ARFGAP3: variants seen among roughly 807,000 people sequenced by gnomAD.
ARFGAP3 encodes the protein ADP-ribosylation factor GTPase-activating protein 3.
In ARFGAP3, 72 loss-of-function variants were observed where a neutral mutation model predicts 75.0. That is an observed-to-expected ratio of 0.96 (90% confidence interval 0.79 to 1.17). The LOEUF is 1.17. Among genes scored for constraint, ARFGAP3 ranks in the 50% most tolerant of loss-of-function variants. ARFGAP3 has a pLI of 0.00. For missense variants in ARFGAP3, 620 were observed against 626.6 expected, an observed-to-expected ratio of 0.99 and a Z score of 0.11; for synonymous variants, 221 against 217.9, an observed-to-expected ratio of 1.01 and a Z score of -0.13.
At chr22:42,797,994 G>C (rs1924680454) in intron 15 of ARFGAP3, among the ~76,000 whole-genome samples, 1 of 152,238 alleles carries the variant, frequency 6.6e-6, no homozygotes, top group African/African-American at 2.4e-5. Context: ...TTTTGGTTCA[G>C]CTGGTCATCT....
chr22:42,821,680 A>C (rs770937107), intron 9 of ARFGAP3, among the ~76,000 whole-genome samples: 14 of 152,264 alleles, frequency 9.2e-5, no homozygotes, highest in Non-Finnish European at 1.5e-4. Context: ...TAACGCCACT[A>C]TGAACATTCA....
At chr22:42,835,267 T>C in intron 4 of ARFGAP3, 95 bp downstream of exon 4, 1 of 1,423,310 alleles carries the variant, frequency 7.0e-7, no homozygotes, top group Non-Finnish European at 9.5e-7. Flanking sequence ...GTAAGACAAC[T>C]CAGGTAGAAA....
chr22:42,808,488 T>C (rs1406437758), intron 13 of ARFGAP3, among the ~76,000 whole-genome samples: 1 of 152,070 alleles, frequency 6.6e-6, no homozygotes, highest in African/African-American at 2.4e-5. Flanking sequence ...AATTGAAATA[T>C]ATTCAAAAGA....
chr22:42,843,181 C>T (rs1926862988), intron 2 of ARFGAP3, among the ~76,000 whole-genome samples: 1 of 152,118 alleles, frequency 6.6e-6, no homozygotes, highest in Admixed American at 6.6e-5. Flanking sequence ...GTCAGCCTCC[C>T]CACATGCCTC....
In ARFGAP3 at chr22:42,799,254, G is replaced by A. The variant is rs765033038; in HGVS notation, c.1412-94C>T. Reference sequence around the variant, plus strand: ...AGTGCTCAACGGCTCCAGAGAACCCGGATCTCTCCCCTCCTGCTGCCTCAC... The same window carrying A: ...AGTGCTCAACGGCTCCAGAGAACCCAGATCTCTCCCCTCCTGCTGCCTCAC... On this transcript the variant is annotated intron_variant, in intron 14 of 15. Transcript: ENST00000263245. 7.0e-5 allele frequency: 109 copies of A among 1,556,038 alleles called. No individual in the cohort carries two copies. In the Middle Eastern group the frequency reaches 1.0e-3, roughly 15 times the overall value.
intron 3 of ARFGAP3, among the ~76,000 whole-genome samples, chr22:42,839,944 C>CT (rs1458600339): frequency 6.6e-6 from 1 of 152,076 alleles, no homozygotes. Flanking sequence ...TCAACTCACT[C>CT]TATCTATCAC....
At chr22:42,797,892 C>G (rs1462904957) in intron 15 of ARFGAP3, among the ~76,000 whole-genome samples, 3 of 152,192 alleles carry the variant, frequency 2.0e-5, no homozygotes, top group African/African-American at 7.2e-5. Flanking sequence ...CGGGAGGATG[C>G]TCAGTGGGCC....
In ARFGAP3 at chr22:42,847,494, A is replaced by G. The variant is rs1276665186; in HGVS notation, c.188+20T>C. On this transcript the variant is annotated intron_variant, in intron 2 of 15. Transcript: ENST00000263245. ...TAACAATGTAATCAATCTCACCCCA[A>G]TGAGAGAAGATTCACTTACCGAATA... 4 of 1,587,114 alleles carry G rather than the reference A, an allele frequency of 2.5e-6. No individual in the cohort carries two copies. The African/African-American group carries it at 4.0e-5, about 16-fold the overall frequency.
chr22:42,825,516 A>T (rs933849110), intron 7 of ARFGAP3, among the ~76,000 whole-genome samples: 1 of 152,072 alleles, frequency 6.6e-6, no homozygotes, highest in Admixed American at 6.6e-5. Context: ...TCCACTAAAA[A>T]TACAAAAAGT....
chr22:42,824,823 T>C (rs539763959), intron 7 of ARFGAP3, among the ~76,000 whole-genome samples: 3 of 152,184 alleles, frequency 2.0e-5, no homozygotes, highest in Admixed American at 2.0e-4. Context: ...AGGAAGTGTT[T>C]CAGCTCTTGT....
intron 15 of ARFGAP3, among the ~76,000 whole-genome samples, chr22:42,797,923 T>C (rs9611909): frequency 0.049 from 7,447 of 152,262 alleles, 292 homozygotes; most frequent in African/African-American, 0.11. Context: ...TGCTGAGCCC[T>C]CTGGGAAGCA....
At chr22:42,817,621 A>G in intron 10 of ARFGAP3, 108 bp downstream of exon 10, 3 of 941,164 alleles carry the variant, frequency 3.2e-6, no homozygotes, top group Non-Finnish European at 4.7e-6. Context: ...AAGTTAATGA[A>G]TAACAAAAAA....
At position 42,835,357 on chromosome 22, in the gene ARFGAP3, C is replaced by T. The variant is rs1330013740; in HGVS notation, c.393+5G>A. The T allele has an allele frequency of 9.9e-6, 16 of 1,613,620 alleles. No individual in the cohort carries two copies. Among genetic ancestry groups the T allele is most frequent in the Non-Finnish European group, 1.4e-5 (16 of 1,179,764 alleles). ...AAGGAAACAATCCAGCCTCCAGTGACTTACATCAGTGCCATGCTTCCGTGT... is the reference window on the plus strand; with the variant it reads ...AAGGAAACAATCCAGCCTCCAGTGATTTACATCAGTGCCATGCTTCCGTGT... On this transcript the variant is annotated splice_donor_5th_base_variant and intron_variant, in intron 4 of 15. Coordinates refer to ENST00000263245, the MANE Select transcript of ARFGAP3 (RefSeq NM_014570.5).
chr22:42,805,097 C>T lies in ARFGAP3; in HGVS notation c.1411+1976G>A, dbSNP rs569756229. The stretch of plus-strand genomic sequence containing the variant: ...CCTGGGCAACACAGTTAGACCCCGG[C>T]GGGGGCAGGGGAGTGAGTTTCTGGG... On this transcript the variant is annotated intron_variant, in intron 14 of 15. Transcript: ENST00000263245. Among the ~76,000 whole-genome samples, 13 of 152,162 alleles carry T rather than the reference C, an allele frequency of 8.5e-5. No individual in the cohort carries two copies. In the South Asian group the frequency reaches 1.7e-3, roughly 19 times the overall value.
rs760045553 is a variant in ARFGAP3 at position 42,810,848 on chromosome 22, A to G, written c.1161T>C (p.Thr387=). 4 of 1,614,206 alleles carry G rather than the reference A, an allele frequency of 2.5e-6. No individual in the cohort carries two copies. In the South Asian group the frequency reaches 3.3e-5, roughly 13 times the overall value. The change falls in exon 12 of 16, where the codon ACT becomes ACC. Residue 387 remains threonine, a synonymous_variant. Transcript: ENST00000263245. ...AGCCTGTGGTTTTCAGAACTGTTTC[A>G]GTATCTTTGCTGGTCTCTTTTTTCC... ...SYWKKETSKD[T]ETVLKTTGYS... is the part of the protein sequence containing the mutation.
In ARFGAP3 at chr22:42,834,277, C is replaced by G; in HGVS notation, c.442G>C (p.Glu148Gln). ...VVPPLSPPPK[E>Q]EDFFASHVSP... ...ACGTGAGAGGCAAAAAAATCTTCCTCCTTTGGTGGAGGGGACAAAGGTGGA... is the reference window on the plus strand; with the variant it reads ...ACGTGAGAGGCAAAAAAATCTTCCTGCTTTGGTGGAGGGGACAAAGGTGGA... The change falls in exon 5 of 16, where the codon GAG becomes CAG. Residue 148 changes from glutamate to glutamine, a missense_variant. Glu to Gln is a conservative substitution (Grantham distance 29). Coordinates refer to ENST00000263245, the MANE Select transcript of ARFGAP3 (RefSeq NM_014570.5). 2 of 1,613,932 alleles carry G rather than the reference C, an allele frequency of 1.2e-6. No homozygotes were observed. The highest frequency in any genetic ancestry group is 1.7e-6 in the Non-Finnish European group (2 of 1,179,970).
intron 1 of ARFGAP3, among the ~76,000 whole-genome samples, chr22:42,850,867 A>G (rs747542159): frequency 1.3e-5 from 2 of 152,256 alleles, no homozygotes; most frequent in Non-Finnish European, 2.9e-5. Context: ...GTGACAGGTG[A>G]TGAGGTATGA....
At chr22:42,830,136 T>TA (rs1926220749) in intron 6 of ARFGAP3, among the ~76,000 whole-genome samples, 2 of 152,198 alleles carry the variant, frequency 1.3e-5, no homozygotes, top group African/African-American at 2.4e-5. Context: ...TTATTTTTTT[T>TA]AGAGTCCGGG....
At chr22:42,833,400 C>T (rs569924937) in intron 5 of ARFGAP3, among the ~76,000 whole-genome samples, 1 of 152,256 alleles carries the variant, frequency 6.6e-6, no homozygotes, top group Admixed American at 6.5e-5. Context: ...CAACTAAATT[C>T]CAGCTCATAG....
Sources: gnomAD v4.1 joint callset for allele counts (sites outside exome capture counted in the v4.1 genomes callset) on GRCh38, gnomAD v4.1.1 for gene constraint, MANE v1.5 for transcripts, NCBI Gene and HGNC (gene_info 2026-07-23, HGNC 2026-07-21) for gene names.